Variants in SUCLA2 observed in about 807,000 individuals in gnomAD.
SUCLA2 encodes the protein succinate-CoA ligase ADP-forming subunit beta.
SUCLA2 carries 30 observed loss-of-function variants against 54.8 expected under a neutral mutation model. The ratio of observed to expected loss-of-function variants is 0.55; its 90% CI spans 0.41 to 0.74. The LOEUF (loss-of-function observed/expected upper bound fraction) is 0.74, where lower values mean the gene tolerates loss of function less well. SUCLA2 is among the 30% of genes least tolerant of loss of function. SUCLA2 has a pLI of 0.00. For synonymous variants in SUCLA2, 172 were observed against 188.9 expected, an observed-to-expected ratio of 0.91 and a Z score of 0.74; for missense variants, 476 against 562.9, an observed-to-expected ratio of 0.85 and a Z score of 1.56.
At chr13:47,994,128 C>CA (rs1454545235) in intron 2 of SUCLA2, among the ~76,000 whole-genome samples, 3 of 150,926 alleles carry the variant, frequency 2.0e-5, no homozygotes, top group Non-Finnish European at 4.4e-5. Context: ...AGTCAAAAAG[C>CA]AAAAATCACC....
intron 5 of SUCLA2, among the ~76,000 whole-genome samples, chr13:47,969,643 C>T (rs1230783986): frequency 1.3e-5 from 2 of 152,206 alleles, no homozygotes; most frequent in African/African-American, 4.8e-5. Context: ...AACAGTGCTG[C>T]CACTGCTCAG....
intron 6 of SUCLA2, among the ~76,000 whole-genome samples, chr13:47,966,253 T>C (rs73493339): frequency 0.067 from 10,191 of 152,154 alleles, 647 homozygotes; most frequent in East Asian, 0.18. Flanking sequence ...TTCCTTATAG[T>C]ATTTATTTCT....
At chr13:47,970,049 C>T (rs1188535121) in intron 5 of SUCLA2, among the ~76,000 whole-genome samples, 1 of 151,328 alleles carries the variant, frequency 6.6e-6, no homozygotes, top group African/African-American at 2.4e-5. Context: ...TTGCAGTGAG[C>T]CGAGATCACA....
chr13:47,981,230 ATCT>A (rs1285190462), intron 4 of SUCLA2, among the ~76,000 whole-genome samples: 2 of 152,198 alleles, frequency 1.3e-5, no homozygotes, highest in Non-Finnish European at 2.9e-5. Flanking sequence ...AATATGTAAG[ATCT>A]TCTACAACTC....
In SUCLA2 at chr13:47,958,127, G is replaced by A. The variant is rs146076628; in HGVS notation, c.803-3570C>T. 3.0e-3 allele frequency among the ~76,000 whole-genome samples: 450 copies of A among 152,306 alleles called. 2 individuals are homozygous for A. Among genetic ancestry groups the A allele is most frequent in the African/African-American group, 0.01 (429 of 41,552 alleles). On this transcript the variant is annotated intron_variant, in intron 6 of 10. Transcript: ENST00000646932. ...GGGTTGAGCCTGGTTAGTATGTGAT[G>A]TTCTCCTTTGCTGATGTTTGGCCCC...
intron 10 of SUCLA2, among the ~76,000 whole-genome samples, chr13:47,944,630 C>T (rs1383853654): frequency 6.6e-6 from 1 of 152,186 alleles, no homozygotes; most frequent in Non-Finnish European, 1.5e-5. Flanking sequence ...TATCCCACAT[C>T]TCAAAGTCAA....
chr13:47,998,050 C>T (rs997931106), intron 1 of SUCLA2, among the ~76,000 whole-genome samples: 1 of 152,138 alleles, frequency 6.6e-6, no homozygotes, highest in African/African-American at 2.4e-5. Context: ...ATTTAGCAAG[C>T]TAAAATCCTT....
At chr13:48,001,105 C>T in intron 1 of SUCLA2, 75 bp downstream of exon 1, 1 of 1,538,406 alleles carries the variant, frequency 6.5e-7, no homozygotes. Flanking sequence ...GACCCCGAGC[C>T]GGGCCACGGG....
intron 8 of SUCLA2, among the ~76,000 whole-genome samples, 169 bp downstream of exon 8, chr13:47,953,971 T>C (rs979380277): frequency 1.3e-5 from 2 of 152,076 alleles, no homozygotes; most frequent in African/African-American, 4.8e-5. Context: ...GAAGAGTCTC[T>C]TGGTGAATTG....
At chr13:47,987,323 C>G (rs1339852408) in intron 4 of SUCLA2, among the ~76,000 whole-genome samples, 1 of 152,000 alleles carries the variant, frequency 6.6e-6, no homozygotes, top group Non-Finnish European at 1.5e-5. Context: ...TTTCTGGCTA[C>G]TGTAACAAAA....
rs755906349 is a variant in SUCLA2, at chr13:47,954,371, A to G, written c.964+25T>C. 5 of 1,613,936 alleles carry G rather than the reference A, an allele frequency of 3.1e-6. 1 individual carries two copies. In the South Asian group the frequency reaches 3.3e-5, roughly 11 times the overall value. ...ATCCAAATTAAACTTAGTGAATCCA[A>G]TTCTAACATAAAAACACATGGTACC... On this transcript the variant is annotated intron_variant, in intron 7 of 10. Transcript: ENST00000646932.
intron 6 of SUCLA2, among the ~76,000 whole-genome samples, chr13:47,959,383 G>A (rs1446899167): frequency 6.7e-6 from 1 of 150,264 alleles, no homozygotes; most frequent in Non-Finnish European, 1.5e-5. Flanking sequence ...GTAAAATGAT[G>A]TTATTTAAAC....
intron 4 of SUCLA2, among the ~76,000 whole-genome samples, chr13:47,984,392 CA>C (rs1950083602): frequency 6.6e-6 from 1 of 151,650 alleles, no homozygotes; most frequent in African/African-American, 2.4e-5. Context: ...TTAGTAGAGA[CA>C]GTGTTTCACT....
At chr13:47,964,379 T>C (rs1949898492) in intron 6 of SUCLA2, among the ~76,000 whole-genome samples, 1 of 152,210 alleles carries the variant, frequency 6.6e-6, no homozygotes, top group Non-Finnish European at 1.5e-5. Context: ...GTCTGTATCT[T>C]GATTGTGGTA....
At chr13:47,994,787 C>T in intron 2 of SUCLA2, 1 of 982,360 alleles carries the variant, frequency 1.0e-6, no homozygotes, top group Non-Finnish European at 1.2e-6. Flanking sequence ...GGCTCAAAAT[C>T]AGAGCTGCCT....
intron 8 of SUCLA2, among the ~76,000 whole-genome samples, chr13:47,951,904 A>G (rs778490962): frequency 8.6e-5 from 13 of 151,930 alleles, no homozygotes; most frequent in Non-Finnish European, 1.6e-4. Context: ...TTGATCTTCT[A>G]AACAAGCAAG....
At chr13:47,998,275 TA>T (rs1030068188) in intron 1 of SUCLA2, among the ~76,000 whole-genome samples, 3 of 123,916 alleles carry the variant, frequency 2.4e-5, no homozygotes, top group Admixed American at 9.0e-5. Flanking sequence ...AGACCCTGTC[TA>T]AAAAAACAAA....
chr13:47,951,320 C>T (rs1471494604), intron 8 of SUCLA2, among the ~76,000 whole-genome samples: 2 of 146,422 alleles, frequency 1.4e-5, no homozygotes, highest in Admixed American at 1.4e-4. Flanking sequence ...CACCCCGCCC[C>T]CGCTCCCAAG....
At chr13:47,999,479 G>A (rs1437479211) in intron 1 of SUCLA2, among the ~76,000 whole-genome samples, 1 of 152,058 alleles carries the variant, frequency 6.6e-6, no homozygotes. Flanking sequence ...AGGCCGAGGC[G>A]GGAGGATCAC....
Sources: allele counts gnomAD v4.1 joint callset (sites outside exome capture counted in the v4.1 genomes callset), GRCh38; gene constraint gnomAD v4.1.1; transcripts MANE v1.5; gene names NCBI Gene and HGNC (gene_info 2026-07-23, HGNC 2026-07-21).